The following LRRC8B variants were observed in gnomAD, a reference collection of about 807,000 sequenced individuals.
LRRC8B encodes the protein leucine rich repeat containing 8 VRAC subunit B, also known as volume-regulated anion channel subunit LRRC8B.
In LRRC8B, 23 loss-of-function variants were observed where a neutral mutation model predicts 58.8. That is an observed-to-expected ratio of 0.39 (90% CI 0.28 to 0.55). The LOEUF (loss-of-function observed/expected upper bound fraction) is 0.55, where lower values mean the gene tolerates loss of function less well. LRRC8B is among the 20% of genes least tolerant of loss of function. The pLI is 0.62. For missense variants in LRRC8B, 694 were observed against 936.0 expected (o/e 0.74, Z 3.37); for synonymous variants, 359 against 374.1 (o/e 0.96, Z 0.47).
intron 1 of LRRC8B, among the ~76,000 whole-genome samples, chr1:89,544,618 G>A (rs1454738388): frequency 6.7e-6 from 1 of 150,116 alleles, no homozygotes; most frequent in East Asian, 1.9e-4. Flanking sequence ...ATATCCCAGT[G>A]GGTACTTTAG....
intron 3 of LRRC8B, among the ~76,000 whole-genome samples, chr1:89,570,641 A>T (rs979227603): frequency 7.9e-5 from 12 of 151,868 alleles, no homozygotes; most frequent in African/African-American, 1.7e-4. Context: ...AGTTTGCAAA[A>T]TTTTTTTCGC....
At chr1:89,550,299 A>G (rs1331611681) in intron 1 of LRRC8B, among the ~76,000 whole-genome samples, 1 of 152,068 alleles carries the variant, frequency 6.6e-6, no homozygotes, top group Non-Finnish European at 1.5e-5. Flanking sequence ...TCTCCTCCCT[A>G]TGTGTATTTC....
intron 1 of LRRC8B, among the ~76,000 whole-genome samples, chr1:89,545,835 G>A (rs1269716516): frequency 6.6e-6 from 1 of 152,196 alleles, no homozygotes; most frequent in Admixed American, 6.5e-5. Flanking sequence ...GATAAGATAT[G>A]GAAAGTTGAA....
chr1:89,546,357 A>G (rs1408538602), intron 1 of LRRC8B, among the ~76,000 whole-genome samples: 4 of 152,184 alleles, frequency 2.6e-5, no homozygotes, highest in African/African-American at 7.2e-5. Flanking sequence ...CCACTTTACC[A>G]TCTGCTTCAG....
chr1:89,566,335 A>G (rs1296155000), intron 1 of LRRC8B, among the ~76,000 whole-genome samples: 1 of 152,258 alleles, frequency 6.6e-6, no homozygotes. Flanking sequence ...AGAATGGGAC[A>G]GATGATGCAG....
intron 1 of LRRC8B, among the ~76,000 whole-genome samples, chr1:89,556,684 A>C (rs751016425): frequency 6.6e-6 from 1 of 152,198 alleles, no homozygotes; most frequent in Non-Finnish European, 1.5e-5. Flanking sequence ...TAAACCAGAC[A>C]TTCTCCCTCT....
intron 3 of LRRC8B, among the ~76,000 whole-genome samples, chr1:89,576,748 G>T (rs2101036224): frequency 6.6e-6 from 1 of 152,278 alleles, no homozygotes; most frequent in East Asian, 1.9e-4. Flanking sequence ...CTACGACTGA[G>T]TTTGGGAAGC....
intron 1 of LRRC8B, among the ~76,000 whole-genome samples, chr1:89,555,318 ATGGAG>A (rs1198487435): frequency 7.9e-5 from 12 of 152,188 alleles, no homozygotes; most frequent in Admixed American, 7.9e-4. Context: ...TGGGGCTCAA[ATGGAG>A]TCTTTAGTCT....
In LRRC8B at chr1:89,543,281, A is replaced by G. The variant is rs867286655; in HGVS notation, c.-241+18259A>G. Among the ~76,000 whole-genome samples, 3 of 152,198 alleles carry G rather than the reference A, an allele frequency of 2.0e-5. No homozygotes were observed. The South Asian group carries it at 6.2e-4, about 31-fold the overall frequency. On this transcript the variant is annotated intron_variant, in intron 1 of 5. Coordinates refer to ENST00000330947, the MANE Select transcript of LRRC8B (RefSeq NM_001369817.2). Reference sequence around the variant, plus strand: ...TAACCTTGAAAAGTCTTTTATGCTAATTGGTCATCATGGGTAACAATACTC... The same window carrying G: ...TAACCTTGAAAAGTCTTTTATGCTAGTTGGTCATCATGGGTAACAATACTC...
chr1:89,530,324 A>C (rs1439741663), intron 1 of LRRC8B, among the ~76,000 whole-genome samples: 1 of 151,782 alleles, frequency 6.6e-6, no homozygotes, highest in Non-Finnish European at 1.5e-5. Context: ...GTGCCACTGC[A>C]CTCCAGCCTG....
In LRRC8B at chr1:89,583,425, C is replaced by T. The variant is rs375413922; in HGVS notation, c.775C>T (p.Leu259=). ...EQKDIIYRVY[L]KQIIVKVILF... The stretch of plus-strand genomic sequence containing the variant: ...GAAGGACATCATTTATAGAGTATAT[C>T]TGAAACAGATAATAGTCAAAGTCAT... The change falls in exon 5 of 6, where the codon CTG becomes TTG. Residue 259 remains leucine (L), a synonymous_variant. Transcript: ENST00000330947. This position sits in a 1 kb window ranked among gnomAD's most constrained non-coding sequence, Gnocchi z 5.2. 6.2e-7 allele frequency: 1 copy of T among 1,614,018 alleles called. No individual in the cohort carries two copies. Among genetic ancestry groups the T allele is most frequent in the African/African-American group, 1.3e-5 (1 of 74,928 alleles).
At chr1:89,559,621 T>C (rs1411540549) in intron 1 of LRRC8B, among the ~76,000 whole-genome samples, 2 of 130,786 alleles carry the variant, frequency 1.5e-5, no homozygotes, top group Non-Finnish European at 3.4e-5. Flanking sequence ...AAAAAATATA[T>C]ATATATATAC....
chr1:89,578,838 A>G (rs1372591802), intron 3 of LRRC8B, among the ~76,000 whole-genome samples: 1 of 152,206 alleles, frequency 6.6e-6, no homozygotes, highest in African/African-American at 2.4e-5. Flanking sequence ...AGTTCAAATT[A>G]TCAATATATA....
Position 89,593,004 on chromosome 1 carries a change from T to C in LRRC8B, c.2373T>C (p.Pro791=). The C allele has an allele frequency of 5.0e-6, 8 of 1,614,176 alleles. No individual in the cohort carries two copies. Among genetic ancestry groups the C allele is most frequent in the Non-Finnish European group, 6.8e-6 (8 of 1,180,008 alleles). ...ACTTGCTCAATACTCTTCCTCTCCC[T>C]GTAACAGAACGTTTACAGACGTGCT... The part of the protein sequence containing the change: ...EENLLNTLPL[P]VTERLQTCLD... The change falls in exon 6 of 6, where the codon CCT becomes CCC. Residue 791 remains proline, a synonymous_variant. Coordinates refer to ENST00000330947, the MANE Select transcript of LRRC8B (RefSeq NM_001369817.2).
intron 1 of LRRC8B, chr1:89,527,004 G>A (rs1306621841): frequency 6.6e-6 from 1 of 152,030 alleles, no homozygotes; most frequent in African/African-American, 2.4e-5. Context: ...AAATGAAAAG[G>A]GGCTTAATAA....
intron 1 of LRRC8B, among the ~76,000 whole-genome samples, chr1:89,560,156 G>C (rs980279948): frequency 2.6e-5 from 4 of 152,228 alleles, no homozygotes; most frequent in African/African-American, 4.8e-5. Flanking sequence ...GTGAGGAGTA[G>C]AACGTGGGTT....
At chr1:89,537,602 A>T (rs1418181354) in intron 1 of LRRC8B, among the ~76,000 whole-genome samples, 1 of 151,926 alleles carries the variant, frequency 6.6e-6, no homozygotes, top group African/African-American at 2.4e-5. Context: ...CCTCCCTAGT[A>T]GCTGGGATTA....
chr1:89,566,481 T>C (rs1653053850), intron 1 of LRRC8B, among the ~76,000 whole-genome samples: 1 of 152,236 alleles, frequency 6.6e-6, no homozygotes, highest in South Asian at 2.1e-4. Flanking sequence ...ATGAGTATGA[T>C]ATTCCAGTGA....
At chr1:89,562,542 C>T (rs1162190423) in intron 1 of LRRC8B, among the ~76,000 whole-genome samples, 1 of 151,896 alleles carries the variant, frequency 6.6e-6, no homozygotes. Context: ...TGTGCAGTCT[C>T]GGCTCACTGC....
Sources: gnomAD v4.1 joint callset for allele counts (sites outside exome capture counted in the v4.1 genomes callset) on GRCh38, gnomAD v4.1.1 for gene constraint, Gnocchi (gnomAD v3.1) non-coding constraint, MANE v1.5 for transcripts, NCBI Gene and HGNC (gene_info 2026-07-23, HGNC 2026-07-21) for gene names.